The following FGF21 variants were observed in gnomAD, a reference collection of about 807,000 sequenced individuals.
The protein encoded by FGF21 is fibroblast growth factor 21.
In FGF21, 13 loss-of-function variants were observed where a neutral mutation model predicts 13.4. The observed-to-expected ratio is 0.97, with a 90% CI of 0.63 to 1.54. The LOEUF is 1.54. Among genes scored for constraint, FGF21 ranks in the 40% most tolerant of loss-of-function variants. The pLI, the probability that FGF21 is intolerant of heterozygous loss-of-function variation, is 0.00. For missense variants in FGF21, 303 were observed against 272.4 expected (o/e 1.11, Z -0.79); for synonymous variants, 124 against 123.6 (o/e 1.00, Z -0.02).
chr19:48,757,607 G>A (rs987995073), intron 3 of FGF21, among the ~76,000 whole-genome samples: 8 of 124,422 alleles, frequency 6.4e-5, no homozygotes, highest in Non-Finnish European at 1.2e-4. Context: ...GGGGCTGGGG[G>A]CCTGGACCCC....
At position 48,757,916 on chromosome 19, in the gene FGF21, T is replaced by G; in HGVS notation, c.340-14T>G. The G allele has an allele frequency of 1.3e-6, 2 of 1,529,262 alleles. No individual in the cohort carries two copies. Among genetic ancestry groups the G allele is most frequent in the Non-Finnish European group, 1.8e-6 (2 of 1,138,142 alleles). 94.7% of individuals were successfully genotyped at this position (1,529,262 alleles called of 1,614,324 possible). A position where few individuals can be genotyped will look rare whatever the true frequency, so the allele number is the denominator to read the frequency against. ...CAGAGGAACCCTGTCTCTGATCCTG[T>G]TTTTGTCCCCTAGCTCCACTTTGAC... On this transcript the variant is annotated splice_polypyrimidine_tract_variant and intron_variant, in intron 3 of 3. Coordinates refer to ENST00000593756, the MANE Select transcript of FGF21 (RefSeq NM_019113.4).
chr19:48,757,874 G>C, intron 3 of FGF21, 56 bp from the exon 4 acceptor site: 1 of 1,488,878 alleles, frequency 6.7e-7, no homozygotes, highest in Non-Finnish European at 9.0e-7. Context: ...TGGATCCTGG[G>C]TCTTACATCA....
intron 3 of FGF21, 28 bp downstream of exon 3, chr19:48,757,057 C>T (rs202102807): frequency 2.1e-4 from 327 of 1,533,508 alleles, no homozygotes; most frequent in African/African-American, 1.3e-3. Context: ...TCCTCACCAC[C>T]CACCATGCTC....
intron 2 of FGF21, 130 bp from the exon 3 acceptor site, chr19:48,756,796 A>C (rs1253687423): frequency 1.3e-5 from 10 of 770,980 alleles, no homozygotes; most frequent in Non-Finnish European, 8.9e-6. Flanking sequence ...CCTGGGTCTG[A>C]GGGAGGAGGT....
intron 3 of FGF21, among the ~76,000 whole-genome samples, 172 bp from the exon 4 acceptor site, chr19:48,757,758 A>C (rs1309683536): frequency 2.2e-5 from 3 of 136,354 alleles, no homozygotes; most frequent in African/African-American, 8.5e-5. Context: ...GGGGGCCTGG[A>C]CTCCTGGGTC....
rs113748338 is a variant in FGF21, at chr19:48,757,154, C to T, written c.339+125C>T. The T allele has an allele frequency of 3.2e-5, 22 of 694,562 alleles. No homozygotes were observed. In the African/African-American group the frequency reaches 3.6e-4, roughly 11 times the overall value. 43.0% of individuals were successfully genotyped at this position (694,562 alleles called of 1,614,324 possible). A position where few individuals can be genotyped will look rare whatever the true frequency, so the allele number is the denominator to read the frequency against. On this transcript the variant is annotated intron_variant, in intron 3 of 3. Transcript: ENST00000593756. ...ACTTGATTCTATTTGCTCTGCACGC[C>T]CCCAGCTGCAACATTTGGAGGTTGA...
chr19:48,756,660 T>TG (rs1283102300), intron 2 of FGF21, among the ~76,000 whole-genome samples, 189 bp downstream of exon 2: 3 of 131,424 alleles, frequency 2.3e-5, no homozygotes, highest in Non-Finnish European at 4.9e-5. Context: ...GAGGAGGGGC[T>TG]GGGTCTGGAC....
At chr19:48,756,506 A>AG in intron 2 of FGF21, 35 bp downstream of exon 2, 1 of 1,580,060 alleles carries the variant, frequency 6.3e-7, no homozygotes, top group Non-Finnish European at 8.6e-7. Context: ...CTGAGGGAGG[A>AG]GGGGCTGTGG....
In FGF21 at chr19:48,758,001, C is replaced by G. The variant is rs760970832; in HGVS notation, c.411C>G (p.Ser137=). The change falls in exon 4 of 4, where the codon TCC becomes TCG. Residue 137 remains serine, a synonymous_variant. Transcript: ENST00000593756. The part of the protein sequence containing the change: ...LLEDGYNVYQ[S]EAHGLPLHLP... ...AGGACGGATACAATGTTTACCAGTC[C>G]GAAGCCCACGGCCTCCCGCTGCACC... The G allele has an allele frequency of 1.2e-6, 2 of 1,612,230 alleles. No individual in the cohort carries two copies.
In FGF21 at chr19:48,756,035, T is replaced by A; in HGVS notation, c.-202T>A. 1 of 582,648 alleles carries A rather than the reference T, an allele frequency of 1.7e-6. No individual in the cohort carries two copies. The highest frequency in any genetic ancestry group is 3.1e-6 in the Non-Finnish European group (1 of 327,368). The allele number at this position is 582,648 out of a possible 1,614,324, so 36.1% of individuals were successfully genotyped here. On this transcript the variant is annotated 5_prime_UTR_variant, in exon 2 of 4. Coordinates refer to ENST00000593756, the MANE Select transcript of FGF21 (RefSeq NM_019113.4). ...CAGGGAGGGTGATTGGGCGGGCCTG[T>A]CTGGGTATAAATTCTGGAGCTTCTG...
chr19:48,756,541 G>A (rs2034099038), intron 2 of FGF21, 70 bp downstream of exon 2: 2 of 1,460,520 alleles, frequency 1.4e-6, no homozygotes, highest in Non-Finnish European at 1.9e-6. Context: ...GTCTGAGGGA[G>A]GAGGGGCTGG....
intron 2 of FGF21, among the ~76,000 whole-genome samples, 196 bp from the exon 3 acceptor site, chr19:48,756,730 G>A (rs994025296): frequency 6.6e-6 from 1 of 151,720 alleles, no homozygotes; most frequent in African/African-American, 2.4e-5. Context: ...AGGAGGAAGG[G>A]CTGGGGTCCT....
intron 3 of FGF21, among the ~76,000 whole-genome samples, chr19:48,757,349 A>G (rs1239090771): frequency 6.6e-6 from 1 of 152,184 alleles, no homozygotes; most frequent in African/African-American, 2.4e-5. Flanking sequence ...TGCACGGCTC[A>G]TGCTGGGCAC....
rs747091661 is a variant in FGF21 at position 48,756,210 on chromosome 19, G to T, written c.-27G>T. 1.9e-6 allele frequency: 3 copies of T among 1,594,310 alleles called. No homozygotes were observed. The highest frequency in any genetic ancestry group is 1.7e-6 in the Non-Finnish European group (2 of 1,164,400). On this transcript the variant is annotated 5_prime_UTR_variant, in exon 2 of 4. Coordinates refer to ENST00000593756, the MANE Select transcript of FGF21 (RefSeq NM_019113.4). ...TCAGCTTCTCCGAGCTCACACCCCGGAGATCACCTGAGGACCCGAGCCATT... is the reference window on the plus strand; with the variant it reads ...TCAGCTTCTCCGAGCTCACACCCCGTAGATCACCTGAGGACCCGAGCCATT...
At position 48,756,496 on chromosome 19, in the gene FGF21, C is replaced by A. The variant is rs772846698; in HGVS notation, c.235+25C>A. The A allele has an allele frequency of 2.5e-6, 4 of 1,597,548 alleles. No homozygotes were observed. The Admixed American group carries it at 6.8e-5, about 27-fold the overall frequency. On this transcript the variant is annotated intron_variant, in intron 2 of 3. Coordinates refer to ENST00000593756, the MANE Select transcript of FGF21 (RefSeq NM_019113.4). ...AGTGAGTGTGGGCCAGAGCCTGGGT[C>A]TGAGGGAGGAGGGGCTGTGGGTCTG...
At position 48,757,047 on chromosome 19, in the gene FGF21, T is replaced by C. The variant is rs752392011; in HGVS notation, c.339+18T>C. ...ATGGATCGGTGAGTTTCCAGGACCC[T>C]CCTCACCACCCACCATGCTCCTCCT... On this transcript the variant is annotated intron_variant, in intron 3 of 3. Transcript: ENST00000593756. 1.3e-6 allele frequency: 2 copies of C among 1,581,344 alleles called. No individual in the cohort carries two copies. Among genetic ancestry groups the C allele is most frequent in the Non-Finnish European group, 1.7e-6 (2 of 1,150,770 alleles).
chr19:48,758,106 C>CCG lies in FGF21; in HGVS notation c.516_517insCG (p.Ala173ArgfsTer23), dbSNP rs1568494261. ...TCCTGCCACTACCAGGCCTGCCCCC[C>CCG]GCACTCCCGGAGCCACCCGGAATCC... On this transcript the variant is annotated frameshift_variant, in exon 4 of 4. Coordinates refer to ENST00000593756, the MANE Select transcript of FGF21 (RefSeq NM_019113.4). LOFTEE classifies it low-confidence loss of function (END_TRUNC). The CCG allele has an allele frequency of 1.2e-6, 2 of 1,611,490 alleles. No individual in the cohort carries two copies. The highest frequency in any genetic ancestry group is 4.5e-5 in the East Asian group (2 of 44,796).
chr19:48,756,811 T>C (rs1023722922), intron 2 of FGF21, 115 bp from the exon 3 acceptor site: 2 of 828,548 alleles, frequency 2.4e-6, no homozygotes, highest in Admixed American at 2.0e-5. Flanking sequence ...GGAGGTAGGC[T>C]GTGGGCTTGG....
chr19:48,758,195 G>C lies in FGF21; in HGVS notation c.605G>C (p.Gly202Ala). ...DPLSMVGPSQGRSPSYAS is the reference protein window; with the variant it reads ...DPLSMVGPSQARSPSYAS ...CTGAGCATGGTGGGACCTTCCCAGGGCCGAAGCCCCAGCTACGCTTCCTGA... is the reference window on the plus strand; with the variant it reads ...CTGAGCATGGTGGGACCTTCCCAGGCCCGAAGCCCCAGCTACGCTTCCTGA... The change falls in exon 4 of 4, where the codon GGC becomes GCC. Residue 202 changes from glycine (G) to alanine (A), a missense_variant. Physicochemically the swap from Gly to Ala is moderately conservative, Grantham distance 60 (BLOSUM62 0). Transcript: ENST00000593756. The C allele has an allele frequency of 6.2e-7, 1 of 1,610,420 alleles. No homozygotes were observed. Among genetic ancestry groups the C allele is most frequent in the Middle Eastern group, 1.7e-4 (1 of 5,894 alleles).
Sources: gnomAD v4.1 joint callset for allele counts (sites outside exome capture counted in the v4.1 genomes callset) on GRCh38, gnomAD v4.1.1 for gene constraint, MANE v1.5 for transcripts, NCBI Gene and HGNC (gene_info 2026-07-23, HGNC 2026-07-21) for gene names.